Variants in CRTC1 observed in about 807,000 individuals in gnomAD.
CRTC1 encodes the protein CREB-regulated transcription coactivator 1.
Under a neutral mutation model 66.1 loss-of-function variants are expected in CRTC1, and 18 were observed. The ratio of observed to expected loss-of-function variants is 0.27; its 90% CI spans 0.19 to 0.40. The LOEUF is 0.40. Ranked by LOEUF, CRTC1 falls within the 10% of genes least tolerant of loss-of-function variation. The pLI, the probability that CRTC1 is intolerant of heterozygous loss-of-function variation, is 1.00. For synonymous variants in CRTC1, 416 were observed against 398.8 expected (o/e 1.04, Z -0.51); for missense variants, 669 against 887.9 (o/e 0.75, Z 3.13).
chr19:18,780,171 C>T lies in CRTC1; in HGVS notation c.*2789C>T, dbSNP rs1418137789. On this transcript the variant is annotated 3_prime_UTR_variant, in exon 14 of 14. Transcript: ENST00000321949. ...TGCGCCGTGTACATAGACCCGCCGT[C>T]TGTGTCCTTGGTCAGGCCCGGATGC... 7 of 231,964 alleles carry T rather than the reference C, an allele frequency of 3.0e-5. No individual in the cohort carries two copies. Among genetic ancestry groups the T allele is most frequent in the East Asian group, 1.8e-4 (3 of 16,420 alleles). The allele number at this position is 231,964 out of a possible 1,614,324, so 14.4% of individuals were successfully genotyped here. A position where few individuals can be genotyped will look rare whatever the true frequency, so the allele number is the denominator to read the frequency against.
At position 18,760,305 on chromosome 19, in the gene CRTC1, C is replaced by A; in HGVS notation, c.886+77C>A. ...CACGGGCATCTGCAGGATGACTTGG[C>A]AGAGTCCCGTTCCAAATACTAGGGC... On this transcript the variant is annotated intron_variant, in intron 8 of 13. Transcript: ENST00000321949. The surrounding 1 kb of genome is among the most constrained non-coding windows in gnomAD (Gnocchi z 6.2). The A allele has an allele frequency of 8.0e-7, 1 of 1,250,116 alleles. No homozygotes were observed. The highest frequency in any genetic ancestry group is 1.1e-6 in the Non-Finnish European group (1 of 893,192). The allele number at this position is 1,250,116 out of a possible 1,614,324, so 77.4% of individuals were successfully genotyped here. A position where few individuals can be genotyped will look rare whatever the true frequency, so the allele number is the denominator to read the frequency against.
chr19:18,725,736 GTCTT>G (rs1456269230), intron 1 of CRTC1, among the ~76,000 whole-genome samples: 3 of 152,190 alleles, frequency 2.0e-5, no homozygotes, highest in Non-Finnish European at 2.9e-5. Context: ...GTCTAATTCT[GTCTT>G]TCTCGCGTGG....
At chr19:18,715,767 A>G (rs58436442) in intron 1 of CRTC1, among the ~76,000 whole-genome samples, 2,083 of 152,336 alleles carry the variant, frequency 0.014, 59 homozygotes, top group African/African-American at 0.048. Context: ...GTGGGCTCCC[A>G]GGCAGGGGGT....
In CRTC1 at chr19:18,777,637, C is replaced by T. The variant is rs2055022971; in HGVS notation, c.*255C>T. ...GGAGGCCGTGAGCCTCCCGCCCCTG[C>T]AGACCCTCCCTGCACTGGCTCCCTC... is the stretch of plus-strand genomic sequence containing the variant. On this transcript the variant is annotated 3_prime_UTR_variant, in exon 14 of 14. Transcript: ENST00000321949. This position sits in a 1 kb window ranked among gnomAD's most constrained non-coding sequence, Gnocchi z 5.5. The T allele has an allele frequency of 5.9e-6, 3 of 504,276 alleles. No individual in the cohort carries two copies. The highest frequency in any genetic ancestry group is 1.1e-5 in the Non-Finnish European group (3 of 284,938). The allele number at this position is 504,276 out of a possible 1,614,324, so 31.2% of individuals were successfully genotyped here. A position where few individuals can be genotyped will look rare whatever the true frequency, so the allele number is the denominator to read the frequency against.
At chr19:18,685,366 A>G (rs986696759) in intron 1 of CRTC1, among the ~76,000 whole-genome samples, 2 of 151,632 alleles carry the variant, frequency 1.3e-5, no homozygotes, top group African/African-American at 4.8e-5. Context: ...TGAAAAAAAA[A>G]TAAGAAAATG....
intron 6 of CRTC1, among the ~76,000 whole-genome samples, chr19:18,755,691 C>A (rs2054469267): frequency 6.7e-6 from 1 of 150,346 alleles, no homozygotes; most frequent in African/African-American, 2.5e-5. Context: ...CAACCTCCGT[C>A]CCCCAGGTTC....
chr19:18,776,596 C>T (rs1304317590), intron 13 of CRTC1, among the ~76,000 whole-genome samples: 1 of 152,222 alleles, frequency 6.6e-6, no homozygotes, highest in Non-Finnish European at 1.5e-5. Flanking sequence ...CAAGGGTGGA[C>T]GCGCCAGCCT....
rs576552608 is a variant in CRTC1, at chr19:18,777,720, G to C, written c.*338G>C. On this transcript the variant is annotated 3_prime_UTR_variant, in exon 14 of 14. Coordinates refer to ENST00000321949, the MANE Select transcript of CRTC1 (RefSeq NM_015321.3). This position sits in a 1 kb window ranked among gnomAD's most constrained non-coding sequence, Gnocchi z 5.5. The stretch of plus-strand genomic sequence containing the variant: ...TAAGATGCGGGAAGTGTCAGCTCCC[G>C]GCGTGGCGGGCAGGCTCAGGGGAGG... 3 of 364,448 alleles carry C rather than the reference G, an allele frequency of 8.2e-6. No individual in the cohort carries two copies. Among genetic ancestry groups the C allele is most frequent in the South Asian group, 3.2e-5 (1 of 30,862 alleles). The allele number at this position is 364,448 out of a possible 1,614,324, so 22.6% of individuals were successfully genotyped here.
At chr19:18,714,325 T>A (rs1398408224) in intron 1 of CRTC1, among the ~76,000 whole-genome samples, 1 of 152,136 alleles carries the variant, frequency 6.6e-6, no homozygotes, top group Non-Finnish European at 1.5e-5. Flanking sequence ...TTTTTTTTTT[T>A]GAGACGGAGT....
chr19:18,770,711 G>C (rs1017603525), intron 10 of CRTC1, among the ~76,000 whole-genome samples: 1 of 152,132 alleles, frequency 6.6e-6, no homozygotes, highest in African/African-American at 2.4e-5. Flanking sequence ...GGACATTTGT[G>C]GATATGTGGA....
In CRTC1 at chr19:18,747,297, C is replaced by G. The variant is rs554262879; in HGVS notation, c.443+183C>G. Reference sequence around the variant, plus strand: ...CACAGGAGTTCCAGCTTTGGGAGGTCTTCTAACATTTCCCTTCCCCCCACT... The same window carrying G: ...CACAGGAGTTCCAGCTTTGGGAGGTGTTCTAACATTTCCCTTCCCCCCACT... On this transcript the variant is annotated intron_variant, in intron 4 of 13. Transcript: ENST00000321949. Among the ~76,000 whole-genome samples, 4 of 152,130 alleles carry G rather than the reference C, an allele frequency of 2.6e-5. No homozygotes were observed. In the East Asian group the frequency reaches 7.7e-4, roughly 29 times the overall value.
In CRTC1 at chr19:18,768,727, G is replaced by A. The variant is rs964491069; in HGVS notation, c.1254G>A (p.Pro418=). 3.1e-6 allele frequency: 5 copies of A among 1,593,228 alleles called. No homozygotes were observed. The highest frequency in any genetic ancestry group is 2.3e-5 in the East Asian group (1 of 43,500). The part of the protein sequence containing the change: ...PQPPPLAVTV[P]SSLPQSPPEN... ...CGCCCCCGCTTGCAGTCACGGTACC[G>A]TCCTCTCTCCCCCAGTCCCCCCCAG... Residue 418 remains proline (P), a synonymous_variant, in exon 10 of 14, where the codon CCG becomes CCA. Coordinates refer to ENST00000321949, the MANE Select transcript of CRTC1 (RefSeq NM_015321.3). The surrounding 1 kb of genome is among the most constrained non-coding windows in gnomAD (Gnocchi z 5.6).
rs1322514782 is a variant in CRTC1, at chr19:18,759,573, G to T, written c.647G>T (p.Cys216Phe). 6.2e-7 allele frequency: 1 copy of T among 1,613,160 alleles called. No individual in the cohort carries two copies. Among genetic ancestry groups the T allele is most frequent in the African/African-American group, 1.3e-5 (1 of 74,944 alleles). The stretch of plus-strand genomic sequence containing the variant: ...CAGACGGGGTCCAGGCCCAAGTCCT[G>T]TGAGGTCCCCGGAATCAAGTAAGTC... ...TKKTGSRPKSCEVPGINIFPS... is the reference protein window; with the variant it reads ...TKKTGSRPKSFEVPGINIFPS... Residue 216 changes from cysteine to phenylalanine, a missense_variant, in exon 7 of 14, where the codon TGT becomes TTT. Around this residue, in one of 8 missense-constraint regions of CRTC1, gnomAD observed 214 missense variants for 323.4 expected, o/e 0.66. Transcript: ENST00000321949.
At chr19:18,733,341 C>T (rs1296601306) in intron 1 of CRTC1, among the ~76,000 whole-genome samples, 1 of 152,170 alleles carries the variant, frequency 6.6e-6, no homozygotes, top group South Asian at 2.1e-4. Flanking sequence ...GCTCAGCCCC[C>T]GAGGGACCCT....
At chr19:18,691,475 T>G (rs1207773835) in intron 1 of CRTC1, among the ~76,000 whole-genome samples, 1 of 147,530 alleles carries the variant, frequency 6.8e-6, no homozygotes, top group Non-Finnish European at 1.5e-5. Context: ...GAGCCATGAT[T>G]GTACCATTGC....
chr19:18,684,445 G>T (rs1313182182), intron 1 of CRTC1, among the ~76,000 whole-genome samples: 1 of 152,072 alleles, frequency 6.6e-6, no homozygotes, highest in Non-Finnish European at 1.5e-5. Flanking sequence ...GGGAGGAACG[G>T]ATGTCCCCAC....
chr19:18,743,387 G>A (rs2054153636), intron 2 of CRTC1, among the ~76,000 whole-genome samples: 2 of 152,250 alleles, frequency 1.3e-5, no homozygotes, highest in African/African-American at 2.4e-5. Context: ...AAGGAGGCCC[G>A]GCGGCCTGAC....
chr19:18,733,370 A>T (rs1199593292), intron 1 of CRTC1, among the ~76,000 whole-genome samples: 1 of 152,164 alleles, frequency 6.6e-6, no homozygotes, highest in Non-Finnish European at 1.5e-5. Flanking sequence ...CCCAGCCGCC[A>T]CCTACAAGAG....
chr19:18,759,953 G>GCAGCCAGCCCCCTGTCC, intron 7 of CRTC1, 55 bp from the exon 8 acceptor site: 1 of 1,051,884 alleles, frequency 9.5e-7, no homozygotes, highest in Non-Finnish European at 1.4e-6. Flanking sequence ...CCCTGTCCCC[G>GCAGCCAGCCCCCTGTCC]CCGCCAGCCC....
Sources: allele counts gnomAD v4.1 joint callset (sites outside exome capture counted in the v4.1 genomes callset), GRCh38; gene constraint gnomAD v4.1.1; regional missense constraint gnomAD v4.1.1; non-coding constraint Gnocchi (gnomAD v3.1); transcripts MANE v1.5; gene names NCBI Gene and HGNC (gene_info 2026-07-23, HGNC 2026-07-21).